Variants in NKD1 observed in about 807,000 individuals in gnomAD.
NKD1 encodes the protein protein naked cuticle homolog 1.
In NKD1, 21 loss-of-function variants were observed where a neutral mutation model predicts 56.0. The observed-to-expected ratio is 0.38, with a 90% confidence interval of 0.27 to 0.54. The LOEUF (loss-of-function observed/expected upper bound fraction) is 0.54, where lower values mean the gene tolerates loss of function less well. Among genes scored for constraint, NKD1 ranks in the 20% least tolerant of loss-of-function variants. The probability of loss-of-function intolerance (pLI) is 0.82; values close to 1 mark genes in which losing one functional copy is unlikely to be tolerated. For missense variants in NKD1, 578 were observed against 642.7 expected, an observed-to-expected ratio of 0.90 and a Z score of 1.09; for synonymous variants, 263 against 265.7, an observed-to-expected ratio of 0.99 and a Z score of 0.10.
At chr16:50,601,503 C>T (rs909304174) in intron 3 of NKD1, among the ~76,000 whole-genome samples, 1 of 152,208 alleles carries the variant, frequency 6.6e-6, no homozygotes, top group African/African-American at 2.4e-5. Flanking sequence ...CACAGGCAGC[C>T]TCCTTCTGGA....
At chr16:50,586,406 A>C (rs148441614) in intron 3 of NKD1, among the ~76,000 whole-genome samples, 210 of 150,036 alleles carry the variant, frequency 1.4e-3, no homozygotes, top group Non-Finnish European at 2.4e-3. Context: ...CTGTCTCCCT[A>C]CCTCCCCTCC....
intron 3 of NKD1, among the ~76,000 whole-genome samples, chr16:50,593,756 T>C (rs539816422): frequency 6.6e-6 from 1 of 152,322 alleles, no homozygotes; most frequent in Non-Finnish European, 1.5e-5. Context: ...TAAATAGCAC[T>C]TCATTTTTTT....
intron 4 of NKD1, among the ~76,000 whole-genome samples, chr16:50,609,408 C>T (rs1228250736): frequency 6.6e-6 from 1 of 152,176 alleles, no homozygotes; most frequent in Non-Finnish European, 1.5e-5. Flanking sequence ...GGGGGGCTGC[C>T]TTATAAGAGT....
intron 3 of NKD1, among the ~76,000 whole-genome samples, chr16:50,599,907 G>T (rs1255054609): frequency 1.3e-5 from 2 of 151,922 alleles, no homozygotes; most frequent in Admixed American, 6.6e-5. Context: ...GGTGTTTTGG[G>T]TTTTTTTTCC....
At chr16:50,610,746 A>C (rs1961827828) in intron 4 of NKD1, among the ~76,000 whole-genome samples, 1 of 152,160 alleles carries the variant, frequency 6.6e-6, no homozygotes, top group Non-Finnish European at 1.5e-5. Flanking sequence ...TTGTTATGTA[A>C]AGCCGGCCCT....
intron 3 of NKD1, among the ~76,000 whole-genome samples, chr16:50,596,644 T>C (rs950939886): frequency 6.6e-6 from 1 of 152,280 alleles, no homozygotes; most frequent in Non-Finnish European, 1.5e-5. Flanking sequence ...TCTGAGTCAG[T>C]AAATACAGAG....
At chr16:50,614,427 C>T (rs886756757) in intron 4 of NKD1, among the ~76,000 whole-genome samples, 1 of 152,114 alleles carries the variant, frequency 6.6e-6, no homozygotes, top group African/African-American at 2.4e-5. Context: ...TCGCTCGCTG[C>T]CCCTCTCTCT....
At chr16:50,584,202 T>C (rs1358199190) in intron 3 of NKD1, among the ~76,000 whole-genome samples, 2 of 152,142 alleles carry the variant, frequency 1.3e-5, no homozygotes, top group African/African-American at 2.4e-5. Context: ...CTCTCCTTGT[T>C]GTGTATGTCC....
intron 3 of NKD1, chr16:50,556,072 C>T (rs1431887184): frequency 6.6e-6 from 1 of 152,028 alleles, no homozygotes; most frequent in Non-Finnish European, 1.5e-5. Context: ...GGAACGCAAG[C>T]GAGAGTTGAA....
intron 3 of NKD1, among the ~76,000 whole-genome samples, chr16:50,589,218 A>G (rs1596723658): frequency 6.6e-6 from 1 of 152,094 alleles, no homozygotes; most frequent in African/African-American, 2.4e-5. Context: ...TGTTCTTTAG[A>G]CTAAGTTCCC....
chr16:50,550,751 C>T (rs997913857), intron 3 of NKD1, among the ~76,000 whole-genome samples: 2 of 152,110 alleles, frequency 1.3e-5, no homozygotes, highest in Non-Finnish European at 2.9e-5. Context: ...CCTTCTTCCC[C>T]TGCCCTTTCT....
chr16:50,565,445 AGAGTG>A (rs1470233001), intron 3 of NKD1, among the ~76,000 whole-genome samples: 1 of 152,130 alleles, frequency 6.6e-6, no homozygotes, highest in African/African-American at 2.4e-5. Flanking sequence ...TTGGGAGGCC[AGAGTG>A]GGAGGATTGC....
intron 3 of NKD1, chr16:50,556,173 C>G (rs1326938534): frequency 6.6e-6 from 1 of 152,286 alleles, no homozygotes; most frequent in African/African-American, 2.4e-5. Flanking sequence ...GGCTTCGACT[C>G]TCTGTGTGAA....
intron 4 of NKD1, 98 bp from the exon 5 acceptor site, chr16:50,621,503 GA>G (rs1962087671): frequency 1.3e-6 from 1 of 796,034 alleles, no homozygotes; most frequent in Non-Finnish European, 2.0e-6. Flanking sequence ...CCCCTGGCGA[GA>G]ATGTCCAGGC....
chr16:50,643,895 T>C lies in NKD1; in HGVS notation c.*10114T>C, dbSNP rs957520951. 11 of 152,292 alleles carry C rather than the reference T, an allele frequency of 7.2e-5. No homozygotes were observed. Among genetic ancestry groups the C allele is most frequent in the Admixed American group, 5.9e-4 (9 of 15,294 alleles). 9.4% of individuals were successfully genotyped at this position (152,292 alleles called of 1,614,324 possible). ...CAAGGCATATCAGAGCCTTCTGTGC[T>C]TAAGAGCACAAGATGGCACTTCAGC... On this transcript the variant is annotated 3_prime_UTR_variant, in exon 10 of 10. Coordinates refer to ENST00000268459, the MANE Select transcript of NKD1 (RefSeq NM_033119.5).
intron 3 of NKD1, chr16:50,556,737 T>G (rs1435709105): frequency 6.6e-6 from 1 of 151,132 alleles, no homozygotes; most frequent in Non-Finnish European, 1.5e-5. Flanking sequence ...GGTTTTTTTT[T>G]TTTTTTTTTT....
chr16:50,603,309 G>A (rs557326582), intron 3 of NKD1, among the ~76,000 whole-genome samples: 19 of 152,224 alleles, frequency 1.2e-4, no homozygotes, highest in Non-Finnish European at 2.1e-4. Flanking sequence ...CCTGCCTCCC[G>A]AGAGGGGACA....
At chr16:50,599,771 C>T (rs1225698343) in intron 3 of NKD1, among the ~76,000 whole-genome samples, 1 of 152,202 alleles carries the variant, frequency 6.6e-6, no homozygotes, top group African/African-American at 2.4e-5. Flanking sequence ...CACCCCGTGC[C>T]CTGCCTGGCT....
At chr16:50,592,404 G>C (rs552394413) in intron 3 of NKD1, among the ~76,000 whole-genome samples, 1 of 152,242 alleles carries the variant, frequency 6.6e-6, no homozygotes, top group Non-Finnish European at 1.5e-5. Context: ...GCCTGGCATC[G>C]CAGCCAGGAT....
Sources: gnomAD v4.1 joint callset for allele counts (sites outside exome capture counted in the v4.1 genomes callset) on GRCh38, gnomAD v4.1.1 for gene constraint, MANE v1.5 for transcripts, NCBI Gene and HGNC (gene_info 2026-07-23, HGNC 2026-07-21) for gene names.